The following DGLUCY variants were observed in gnomAD, a reference collection of about 807,000 sequenced individuals.
DGLUCY encodes D-glutamate cyclase, mitochondrial.
A neutral mutation model predicts 58.5 loss-of-function variants in DGLUCY; 58 were observed. The observed-to-expected ratio is 0.99, with a 90% CI of 0.80 to 1.23. DGLUCY has a LOEUF of 1.23. DGLUCY is among the 50% of genes most tolerant of loss of function. The pLI is 0.00. For synonymous variants in DGLUCY, 325 were observed against 314.1 expected (o/e 1.03, Z -0.37); for missense variants, 779 against 784.7 (o/e 0.99, Z 0.09).
chr14:91,198,080 T>C (rs1302196100), intron 10 of DGLUCY, among the ~76,000 whole-genome samples: 1 of 152,232 alleles, frequency 6.6e-6, no homozygotes, highest in Non-Finnish European at 1.5e-5. Context: ...TCTTGCTCTG[T>C]CGCCCAGTCT....
In DGLUCY at chr14:91,222,682, AAGTT is replaced by A. The variant is rs141098715; in HGVS notation, c.1717-1998_1717-1995del. On this transcript the variant is annotated intron_variant, in intron 13 of 13. Coordinates refer to ENST00000256324, the MANE Select transcript of DGLUCY (RefSeq NM_001102368.3). ...CAATGCTTTCTCTATTACTTAGAAA[AAGTT>A]AGTGAGTGACCCTCCAGGGCTCTCA... 1.8e-3 allele frequency among the ~76,000 whole-genome samples: 280 copies of A among 152,320 alleles called. 2 individuals carry two copies. The highest frequency in any genetic ancestry group is 3.4e-3 in the Middle Eastern group (1 of 294).
chr14:91,110,631 A>G (rs1369439225), upstream of DGLUCY, among the ~76,000 whole-genome samples: 2 of 151,960 alleles, frequency 1.3e-5, no homozygotes, highest in African/African-American at 4.8e-5. Context: ...AGGGTACTCC[A>G]TGTTGGCCAG....
chr14:91,127,104 T>G (rs1159422292), intron 1 of DGLUCY, among the ~76,000 whole-genome samples: 1 of 140,670 alleles, frequency 7.1e-6, no homozygotes, highest in Non-Finnish European at 1.5e-5. Context: ...TCACCCAGGC[T>G]GAAGTGCAGT....
intron 1 of DGLUCY, among the ~76,000 whole-genome samples, chr14:91,123,669 C>G (rs1230157118): frequency 6.6e-6 from 1 of 152,106 alleles, no homozygotes; most frequent in Admixed American, 6.6e-5. Flanking sequence ...TCACTGCAAC[C>G]TCAACCCCCT....
In DGLUCY at chr14:91,152,488, C is replaced by G. The variant is rs149671881; in HGVS notation, c.-81-5151C>G. Reference sequence around the variant, plus strand: ...TATTTAACCTATTAAATAAACAAATCTTAATTATGACTACCAGCATTTCCC... The same window carrying G: ...TATTTAACCTATTAAATAAACAAATGTTAATTATGACTACCAGCATTTCCC... On this transcript the variant is annotated intron_variant, in intron 1 of 13. Coordinates refer to ENST00000256324, the MANE Select transcript of DGLUCY (RefSeq NM_001102368.3). Among the ~76,000 whole-genome samples the G allele has an allele frequency of 6.7e-3, 1,018 of 152,268 alleles. 6 individuals carry two copies. The highest frequency in any genetic ancestry group is 0.01 in the Non-Finnish European group (698 of 68,010).
chr14:91,197,187 A>C (rs1249366740), intron 10 of DGLUCY, among the ~76,000 whole-genome samples: 6 of 151,720 alleles, frequency 4.0e-5, no homozygotes, highest in Non-Finnish European at 5.9e-5. Flanking sequence ...GGCTGGTCTG[A>C]AACTCCTGAC....
intron 1 of DGLUCY, among the ~76,000 whole-genome samples, chr14:91,072,607 A>G (rs1318141927): frequency 6.6e-6 from 1 of 151,864 alleles, no homozygotes; most frequent in African/African-American, 2.4e-5. Flanking sequence ...CAGATGACAT[A>G]TACCAAATAT....
upstream of DGLUCY, among the ~76,000 whole-genome samples, chr14:91,111,200 A>ATG (rs1183383205): frequency 0.049 from 3,906 of 79,070 alleles, 166 homozygotes; most frequent in East Asian, 0.11. Context: ...TTATTTATAT[A>ATG]TATGTGTGTG....
At chr14:91,112,003 T>C (rs2044710000), upstream of DGLUCY, among the ~76,000 whole-genome samples, 1 of 151,822 alleles carries the variant, frequency 6.6e-6, no homozygotes, top group South Asian at 2.1e-4. Context: ...TTGGGGAGGC[T>C]GAGGCAGGCG....
chr14:91,073,266 C>A (rs994866760), intron 1 of DGLUCY, among the ~76,000 whole-genome samples: 1 of 151,994 alleles, frequency 6.6e-6, no homozygotes, highest in Non-Finnish European at 1.5e-5. Flanking sequence ...CATGGATAAA[C>A]CCCATCTCTA....
chr14:91,106,357 C>T (rs1041855600), upstream of DGLUCY, among the ~76,000 whole-genome samples: 1 of 151,374 alleles, frequency 6.6e-6, no homozygotes, highest in African/African-American at 2.4e-5. Flanking sequence ...TACAGTCTGT[C>T]ATTAACTGAA....
intron 12 of DGLUCY, among the ~76,000 whole-genome samples, chr14:91,210,695 CTAGAAA>C (rs1273294379): frequency 6.6e-6 from 1 of 152,042 alleles, no homozygotes; most frequent in Non-Finnish European, 1.5e-5. Context: ...TTTCAGCAAA[CTAGAAA>C]TAGAGGGGAA....
At chr14:91,189,531 G>A (rs1202348917) in intron 9 of DGLUCY, among the ~76,000 whole-genome samples, 1 of 152,214 alleles carries the variant, frequency 6.6e-6, no homozygotes, top group Non-Finnish European at 1.5e-5. Flanking sequence ...AGTATGAAGT[G>A]GCTGAAAGGC....
chr14:91,217,343 G>C (rs1316216689), intron 13 of DGLUCY, among the ~76,000 whole-genome samples: 1 of 150,648 alleles, frequency 6.6e-6, no homozygotes, highest in Non-Finnish European at 1.5e-5. Flanking sequence ...AAATCCAAGA[G>C]GCCGGAGGGT....
intron 8 of DGLUCY, among the ~76,000 whole-genome samples, chr14:91,185,300 T>TTTTTTTTA (rs2049442640): frequency 6.2e-5 from 7 of 113,794 alleles, no homozygotes; most frequent in Admixed American, 9.9e-5. Flanking sequence ...TTTTTTTTTT[T>TTTTTTTTA]GAGACAGGTT....
intron 1 of DGLUCY, among the ~76,000 whole-genome samples, chr14:91,063,283 T>A (rs1413015525): frequency 1.3e-5 from 2 of 151,660 alleles, no homozygotes; most frequent in African/African-American, 4.9e-5. Flanking sequence ...CCTTTGCAGT[T>A]AGGTTAGGGT....
chr14:91,140,625 C>G (rs1239752847), intron 1 of DGLUCY, among the ~76,000 whole-genome samples: 1 of 152,094 alleles, frequency 6.6e-6, no homozygotes, highest in African/African-American at 2.4e-5. Context: ...GAGCCTAGAT[C>G]ACGCCATTGC....
At chr14:91,183,338 A>G (rs1029825214) in intron 8 of DGLUCY, among the ~76,000 whole-genome samples, 1 of 152,154 alleles carries the variant, frequency 6.6e-6, no homozygotes, top group African/African-American at 2.4e-5. Flanking sequence ...AAGCTGGTTG[A>G]GGGGCTTTTA....
intron 1 of DGLUCY, among the ~76,000 whole-genome samples, chr14:91,138,522 G>A (rs1030294653): frequency 1.3e-5 from 2 of 152,090 alleles, no homozygotes; most frequent in Non-Finnish European, 1.5e-5. Flanking sequence ...AGAAATATTC[G>A]AGACTGGGTA....
Sources: gnomAD v4.1 joint callset for allele counts (sites outside exome capture counted in the v4.1 genomes callset) on GRCh38, gnomAD v4.1.1 for gene constraint, MANE v1.5 for transcripts, NCBI Gene and HGNC (gene_info 2026-07-23, HGNC 2026-07-21) for gene names.